The following PM20D2 variants were observed in gnomAD, a reference collection of about 807,000 sequenced individuals.
The protein encoded by PM20D2 is peptidase M20 domain containing 2, also known as xaa-Arg dipeptidase.
Under a neutral mutation model 42.9 loss-of-function variants are expected in PM20D2, and 33 were observed. That is an observed-to-expected ratio of 0.77 (90% confidence interval 0.58 to 1.03). PM20D2 has a LOEUF of 1.03. Among genes scored for constraint, PM20D2 ranks in the 50% least tolerant of loss-of-function variants. The pLI is 0.00. For missense variants in PM20D2, 548 were observed against 557.0 expected (o/e 0.98, Z 0.16); for synonymous variants, 250 against 228.2 (o/e 1.10, Z -0.86).
the PM20D2 span, among the ~76,000 whole-genome samples, chr6:89,117,035 C>G: frequency 6.6e-6 from 1 of 151,930 alleles, no homozygotes; most frequent in African/African-American, 2.4e-5. Context: ...CGTTCCCTCT[C>G]CCCCCGCCCC....
chr6:89,151,992 C>T (rs922772047), intron 2 of PM20D2, among the ~76,000 whole-genome samples: 11 of 151,882 alleles, frequency 7.2e-5, no homozygotes, highest in Non-Finnish European at 1.6e-4. Context: ...CTGTGGGAAG[C>T]TGAGGCAGAG....
chr6:89,105,216 T>C, the PM20D2 span: 11 of 1,612,076 alleles, frequency 6.8e-6, no homozygotes, highest in African/African-American at 4.0e-5. Flanking sequence ...CTGTGATCAC[T>C]TGGAGAACAA....
chr6:89,125,197 C>G, the PM20D2 span, among the ~76,000 whole-genome samples: 2 of 152,134 alleles, frequency 1.3e-5, no homozygotes, highest in Admixed American at 6.6e-5. Flanking sequence ...AAAAGTATTT[C>G]TCACCGGGCG....
chr6:89,102,461 T>A, the PM20D2 span, among the ~76,000 whole-genome samples: 1 of 152,110 alleles, frequency 6.6e-6, no homozygotes, highest in African/African-American at 2.4e-5. Flanking sequence ...ATATTTATAC[T>A]GAAAATACAT....
At chr6:89,108,283 G>A in the PM20D2 span, among the ~76,000 whole-genome samples, 1 of 152,186 alleles carries the variant, frequency 6.6e-6, no homozygotes, top group Non-Finnish European at 1.5e-5. Flanking sequence ...TTATATGTTA[G>A]CCAGTGTTCA....
the PM20D2 span, among the ~76,000 whole-genome samples, chr6:89,112,803 A>G: frequency 1.3e-5 from 2 of 152,212 alleles, no homozygotes; most frequent in Non-Finnish European, 2.9e-5. Flanking sequence ...ATGATGAACC[A>G]TATATATCAT....
At chr6:89,133,344 CAT>C in the PM20D2 span, among the ~76,000 whole-genome samples, 1 of 151,156 alleles carries the variant, frequency 6.6e-6, no homozygotes, top group Non-Finnish European at 1.5e-5. Flanking sequence ...ATATAAATCT[CAT>C]AATTATTTGT....
At chr6:89,128,640 T>C in the PM20D2 span, among the ~76,000 whole-genome samples, 2 of 152,178 alleles carry the variant, frequency 1.3e-5, no homozygotes, top group African/African-American at 4.8e-5. Context: ...TCTCTGTTCT[T>C]ACACCCCCTC....
At chr6:89,120,272 A>G in the PM20D2 span, among the ~76,000 whole-genome samples, 1 of 152,302 alleles carries the variant, frequency 6.6e-6, no homozygotes, top group South Asian at 2.1e-4. Flanking sequence ...ATCTCTTATA[A>G]GGACATTTGT....
At position 89,162,250 on chromosome 6, in the gene PM20D2, A is replaced by C; in HGVS notation, c.1298A>C (p.Asn433Thr). ...AAACTTCAAGAAGAACAGTTTGTAA[A>C]TGCAGTAGAATAAAAGACTTAGGGG... Reference protein sequence around the residue: ...KLKLQEEQFVNAVE With the variant: ...KLKLQEEQFVTAVE Residue 433 changes from asparagine to threonine, a missense_variant, in exon 7 of 7, where the codon AAT (asparagine) becomes ACT (threonine). Physicochemically the swap from Asn to Thr is moderately conservative, Grantham distance 65. Coordinates refer to ENST00000275072, the MANE Select transcript of PM20D2 (RefSeq NM_001010853.3). 1 of 1,612,270 alleles carries C rather than the reference A, an allele frequency of 6.2e-7. No homozygotes were observed. Among genetic ancestry groups the C allele is most frequent in the East Asian group, 2.2e-5 (1 of 44,890 alleles).
Position 89,154,768 on chromosome 6 carries a change from G to A in PM20D2, c.778G>A (p.Val260Ile), listed in dbSNP as rs554294863. The change falls in exon 4 of 7, where the codon GTA becomes ATA. Residue 260 changes from valine to isoleucine, a missense_variant. Physicochemically the swap from Val to Ile is conservative, Grantham distance 29. Around this residue, in one of 3 missense-constraint regions of PM20D2, gnomAD observed 470 missense variants for 464.4 expected, o/e 1.01. Transcript: ENST00000275072. ...TATAGGTATAATAAAAAATGGTGGT[G>A]TAAAACCCAATATCATTCCCTCTTA... The part of the protein sequence containing the change: ...RVHGIIKNGG[V>I]KPNIIPSYSE... 1.9e-6 allele frequency: 3 copies of A among 1,555,346 alleles called. No homozygotes were observed. The highest frequency in any genetic ancestry group is 2.8e-5 in the African/African-American group (2 of 72,136).
Position 89,146,537 on chromosome 6 carries a change from G to C in PM20D2, c.393G>C (p.Glu131Asp). The C allele has an allele frequency of 6.7e-7, 1 of 1,502,662 alleles. No homozygotes were observed. Among genetic ancestry groups the C allele is most frequent in the Non-Finnish European group, 8.8e-7 (1 of 1,133,418 alleles). 93.1% of individuals were successfully genotyped at this position (1,502,662 alleles called of 1,614,324 possible). ...CCTGCGGCCACAACCTCATCGCTGAGGTCGGGGCGGCGGCCGCGCTGGGCG... is the reference window on the plus strand; with the variant it reads ...CCTGCGGCCACAACCTCATCGCTGACGTCGGGGCGGCGGCCGCGCTGGGCG... ...GHACGHNLIAEVGAAAALGVR... is the reference protein window; with the variant it reads ...GHACGHNLIADVGAAAALGVR... Residue 131 changes from glutamate (E) to aspartate (D), a missense_variant, in exon 1 of 7, where the codon GAG (glutamate) becomes GAC (aspartate). Around this residue, in one of 3 missense-constraint regions of PM20D2, gnomAD observed 470 missense variants for 464.4 expected, o/e 1.01. Coordinates refer to ENST00000275072, the MANE Select transcript of PM20D2 (RefSeq NM_001010853.3).
the PM20D2 span, among the ~76,000 whole-genome samples, chr6:89,094,069 C>T: frequency 2.0e-5 from 3 of 150,922 alleles, no homozygotes; most frequent in Non-Finnish European, 4.4e-5. Context: ...TACAAGTGCC[C>T]ACCACCATGC....
At chr6:89,148,832 G>A (rs987034530) in intron 1 of PM20D2, among the ~76,000 whole-genome samples, 3 of 152,154 alleles carry the variant, frequency 2.0e-5, no homozygotes, top group African/African-American at 7.2e-5. Flanking sequence ...ACCTCACAGG[G>A]TTGTTGTGAG....
chr6:89,109,166 G>A, the PM20D2 span, among the ~76,000 whole-genome samples: 2 of 152,152 alleles, frequency 1.3e-5, no homozygotes, highest in Non-Finnish European at 1.5e-5. Flanking sequence ...CATCTGTGAA[G>A]GGATGTTACA....
chr6:89,113,407 C>T, the PM20D2 span, among the ~76,000 whole-genome samples: 3,434 of 152,196 alleles, frequency 0.023, 128 homozygotes, highest in African/African-American at 0.079. Flanking sequence ...CTCCTGACCT[C>T]GTGATCCGCC....
chr6:89,098,974 T>C, the PM20D2 span: 6 of 1,576,332 alleles, frequency 3.8e-6, no homozygotes, highest in Admixed American at 1.9e-5. Flanking sequence ...TGTTAGAGCA[T>C]ATATTTCACA....
the PM20D2 span, among the ~76,000 whole-genome samples, chr6:89,122,094 G>A: frequency 6.6e-6 from 1 of 152,150 alleles, no homozygotes; most frequent in Non-Finnish European, 1.5e-5. Context: ...ATAATGTTTG[G>A]TTGTTTACTC....
chr6:89,149,604 T>A (rs1265502626), intron 2 of PM20D2, among the ~76,000 whole-genome samples, 191 bp downstream of exon 2: 3 of 152,246 alleles, frequency 2.0e-5, no homozygotes, highest in Non-Finnish European at 4.4e-5. Context: ...ATGGTGTTCA[T>A]AATTGGAGTA....
Sources: allele counts gnomAD v4.1 joint callset (sites outside exome capture counted in the v4.1 genomes callset), GRCh38; gene constraint gnomAD v4.1.1; regional missense constraint gnomAD v4.1.1; transcripts MANE v1.5; gene names NCBI Gene and HGNC (gene_info 2026-07-23, HGNC 2026-07-21).